Variants in TSPEAR observed in about 807,000 individuals in gnomAD.
TSPEAR encodes thrombospondin type laminin G domain and EAR repeats.
TSPEAR carries 69 observed loss-of-function variants against 71.6 expected under a neutral mutation model. The observed-to-expected ratio is 0.96, with a 90% CI of 0.79 to 1.18. The LOEUF is 1.18. TSPEAR is among the 50% of genes most tolerant of loss of function. The probability of loss-of-function intolerance (pLI) is 0.00; values close to 1 mark genes in which losing one functional copy is unlikely to be tolerated. For missense variants in TSPEAR, 971 were observed against 894.9 expected (o/e 1.09, Z -1.09); for synonymous variants, 402 against 387.2 (o/e 1.04, Z -0.45).
At chr21:44,583,826 A>C (rs1979166476) in intron 1 of TSPEAR, among the ~76,000 whole-genome samples, 1 of 152,178 alleles carries the variant, frequency 6.6e-6, no homozygotes, top group Admixed American at 6.5e-5. Context: ...AAGCTAATTA[A>C]TATGTCCATC....
chr21:44,532,217 AC>A, intron 3 of TSPEAR, among the ~76,000 whole-genome samples: 1 of 152,282 alleles, frequency 6.6e-6, no homozygotes, highest in East Asian at 1.9e-4. Flanking sequence ...CACTTTTAAA[AC>A]ATTCGGGGAA....
rs782607050 is a variant in TSPEAR, at chr21:44,637,714, C to CTG, written c.83-69711_83-69710dup. 2.4e-5 allele frequency: 29 copies of CTG among 1,231,066 alleles called. 1 individual carries two copies. In the South Asian group the frequency reaches 3.9e-4, roughly 17 times the overall value. 76.3% of individuals were successfully genotyped at this position (1,231,066 alleles called of 1,614,324 possible). A position where few individuals can be genotyped will look rare whatever the true frequency, so the allele number is the denominator to read the frequency against. On this transcript the variant is annotated intron_variant, in intron 1 of 11. Coordinates refer to ENST00000323084, the MANE Select transcript of TSPEAR (RefSeq NM_144991.3). ...AGCAGGCCTGCTGTGTGCCTGTCTG[C>CTG]TGTGTGCCCGTCTGCTGCGTGCCCG...
At chr21:44,615,633 G>C (rs1169945089) in intron 1 of TSPEAR, among the ~76,000 whole-genome samples, 1 of 149,456 alleles carries the variant, frequency 6.7e-6, no homozygotes, top group Non-Finnish European at 1.5e-5. Flanking sequence ...CACCTCCCCC[G>C]GGTCTCTCTG....
chr21:44,578,593 G>A (rs1208820346), intron 1 of TSPEAR, among the ~76,000 whole-genome samples: 1 of 152,206 alleles, frequency 6.6e-6, no homozygotes, highest in African/African-American at 2.4e-5. Flanking sequence ...CCCTTGGTGG[G>A]CTCTGGCCAT....
chr21:44,571,957 G>A (rs928444659), intron 1 of TSPEAR, among the ~76,000 whole-genome samples: 1 of 152,210 alleles, frequency 6.6e-6, no homozygotes, highest in Non-Finnish European at 1.5e-5. Flanking sequence ...CCCCCGGAGG[G>A]GCACCAGCAC....
At chr21:44,601,201 A>T (rs371136422) in intron 1 of TSPEAR, 1 of 1,600,702 alleles carries the variant, frequency 6.2e-7, no homozygotes, top group South Asian at 1.1e-5. Flanking sequence ...CTGTGAGCCC[A>T]GCCCCTGCCA....
At chr21:44,539,862 G>C in intron 2 of TSPEAR, 1 of 1,577,322 alleles carries the variant, frequency 6.3e-7, no homozygotes, top group Non-Finnish European at 8.6e-7. Flanking sequence ...CAGCAGGCCT[G>C]CTGGCAGGGG....
intron 1 of TSPEAR, among the ~76,000 whole-genome samples, chr21:44,586,571 TTTTA>T (rs1555925709): frequency 1.3e-5 from 2 of 152,124 alleles, no homozygotes; most frequent in Non-Finnish European, 2.9e-5. Flanking sequence ...CAATATATAA[TTTTA>T]CAGCATTCCT....
At chr21:44,550,893 TTGCAGCAGAC>T (rs782648614) in intron 2 of TSPEAR, 6 of 1,375,680 alleles carry the variant, frequency 4.4e-6, no homozygotes, top group African/African-American at 3.2e-5. Flanking sequence ...GCAGACAGGC[TTGCAGCAGAC>T]GGACACACAG....
chr21:44,684,614 C>T (rs1241146675), intron 1 of TSPEAR, among the ~76,000 whole-genome samples: 1 of 152,194 alleles, frequency 6.6e-6, no homozygotes, highest in Admixed American at 6.5e-5. Context: ...TGCAGATGTG[C>T]GCTGCAGGCA....
At chr21:44,549,629 G>C (rs1270780530) in intron 2 of TSPEAR, among the ~76,000 whole-genome samples, 1 of 152,222 alleles carries the variant, frequency 6.6e-6, no homozygotes, top group African/African-American at 2.4e-5. Flanking sequence ...AGCATCCCTT[G>C]CCTGCATTTG....
intron 1 of TSPEAR, chr21:44,638,065 C>A (rs781922094): frequency 6.2e-7 from 1 of 1,613,308 alleles, no homozygotes; most frequent in East Asian, 2.2e-5. Context: ...CCTCCTCCTG[C>A]CAGCCCAGCT....
intron 8 of TSPEAR, 101 bp downstream of exon 8, chr21:44,525,552 G>T: frequency 8.1e-7 from 1 of 1,235,648 alleles, no homozygotes; most frequent in Non-Finnish European, 1.2e-6. Context: ...TGCTGCATGT[G>T]GCTTATTGTT....
chr21:44,678,128 A>G lies in TSPEAR; in HGVS notation c.82+33305T>C, dbSNP rs1601556673. 18 of 601,016 alleles carry G rather than the reference A, an allele frequency of 3.0e-5. No individual in the cohort carries two copies. The East Asian group carries it at 4.9e-4, about 16-fold the overall frequency. 37.2% of individuals were successfully genotyped at this position (601,016 alleles called of 1,614,324 possible). On this transcript the variant is annotated intron_variant, in intron 1 of 11. Transcript: ENST00000323084. The stretch of plus-strand genomic sequence containing the variant: ...GCTGCTGGTGGATGCGGGAGCTGCC[A>G]TGGCGGCACGAGTAAGTGGAGGCAT...
intron 9 of TSPEAR, among the ~76,000 whole-genome samples, chr21:44,511,546 A>G (rs782689365): frequency 2.6e-5 from 4 of 152,186 alleles, no homozygotes; most frequent in Non-Finnish European, 5.9e-5. Flanking sequence ...ACTTGCACAC[A>G]TGCCTGTACA....
In TSPEAR at chr21:44,522,207, G is replaced by A. The variant is rs189461048; in HGVS notation, c.1337-95C>T. On this transcript the variant is annotated intron_variant, in intron 8 of 11. Transcript: ENST00000323084. ...CAGAGCCCAGTCCAAGTCCCTCCCC[G>A]AGGACCGAAGACCCACGAGGACAAG... is the stretch of plus-strand genomic sequence containing the variant. The A allele has an allele frequency of 1.3e-4, 159 of 1,269,736 alleles. 1 individual carries two copies. Among genetic ancestry groups the A allele is most frequent in the South Asian group, 2.9e-4 (23 of 78,700 alleles). 78.7% of individuals were successfully genotyped at this position (1,269,736 alleles called of 1,614,324 possible). A position where few individuals can be genotyped will look rare whatever the true frequency, so the allele number is the denominator to read the frequency against.
intron 1 of TSPEAR, among the ~76,000 whole-genome samples, chr21:44,633,316 G>T (rs1802456266): frequency 6.6e-6 from 1 of 152,108 alleles, no homozygotes; most frequent in South Asian, 2.1e-4. Context: ...AAGGTGTGAA[G>T]TTAGATTACT....
intron 1 of TSPEAR, chr21:44,646,641 C>A: frequency 1.9e-6 from 3 of 1,613,506 alleles, no homozygotes; most frequent in Non-Finnish European, 2.5e-6. Flanking sequence ...GCCAGGCGGC[C>A]TGTGAGCCCA....
chr21:44,654,964 C>G (rs1330230012), intron 1 of TSPEAR, among the ~76,000 whole-genome samples: 6 of 152,168 alleles, frequency 3.9e-5, no homozygotes, highest in African/African-American at 1.4e-4. Flanking sequence ...GGAGCTCACA[C>G]AAGCACAGTC....
Sources: allele counts gnomAD v4.1 joint callset (sites outside exome capture counted in the v4.1 genomes callset), GRCh38; gene constraint gnomAD v4.1.1; transcripts MANE v1.5; gene names NCBI Gene and HGNC (gene_info 2026-07-23, HGNC 2026-07-21).